KAZN: variants seen among roughly 807,000 people sequenced by gnomAD.
The protein encoded by KAZN is kazrin, periplakin interacting protein, also known as kazrin.
Under a neutral mutation model 87.4 loss-of-function variants are expected in KAZN, and 40 were observed. That is an observed-to-expected ratio of 0.46 (90% confidence interval 0.36 to 0.60). The LOEUF (loss-of-function observed/expected upper bound fraction) is 0.60. Among genes scored for constraint, KAZN ranks in the 20% least tolerant of loss-of-function variants. KAZN has a pLI of 0.00. For synonymous variants in KAZN, 466 were observed against 458.3 expected, an observed-to-expected ratio of 1.02 and a Z score of -0.22; for missense variants, 898 against 1,073.9, an observed-to-expected ratio of 0.84 and a Z score of 2.29.
At chr1:14,649,343 G>A (rs957783950) in intron 1 of KAZN, among the ~76,000 whole-genome samples, 6 of 139,200 alleles carry the variant, frequency 4.3e-5, no homozygotes, top group African/African-American at 1.6e-4. Flanking sequence ...TTTACTGATG[G>A]GGAATTAAGC....
At chr1:14,491,854 T>A (rs1250009364) in intron 2 of KAZN, among the ~76,000 whole-genome samples, 2 of 152,188 alleles carry the variant, frequency 1.3e-5, no homozygotes, top group Non-Finnish European at 2.9e-5. Flanking sequence ...CTGAAATAGA[T>A]CCTGCCACCC....
At chr1:14,798,217 C>T (rs537982513) in intron 1 of KAZN, among the ~76,000 whole-genome samples, 1 of 152,150 alleles carries the variant, frequency 6.6e-6, no homozygotes, top group African/African-American at 2.4e-5. Flanking sequence ...AGGAGTAAAA[C>T]CACGGTGCTA....
At chr1:14,219,743 C>T (rs765131365) in intron 2 of KAZN, among the ~76,000 whole-genome samples, 23 of 152,162 alleles carry the variant, frequency 1.5e-4, no homozygotes, top group Non-Finnish European at 3.2e-4. Context: ...TTAGCAAAAA[C>T]TTACCAGGGC....
intron 2 of KAZN, among the ~76,000 whole-genome samples, chr1:14,230,240 G>T (rs915008256): frequency 6.6e-6 from 1 of 152,200 alleles, no homozygotes; most frequent in Non-Finnish European, 1.5e-5. Context: ...ATCAGAGTTT[G>T]GTCTGAGTTA....
intron 8 of KAZN, among the ~76,000 whole-genome samples, chr1:15,068,552 TCTGCGCGTCCCA>T (rs988652427): frequency 2.6e-5 from 4 of 151,940 alleles, no homozygotes; most frequent in Admixed American, 2.6e-4. Context: ...TCCGTGGACC[TCTGCGCGTCCCA>T]CGATCCCACC....
intron 2 of KAZN, among the ~76,000 whole-genome samples, chr1:14,306,204 A>G (rs1654915918): frequency 6.6e-6 from 1 of 152,206 alleles, no homozygotes; most frequent in African/African-American, 2.4e-5. Flanking sequence ...CAGCTTGGGC[A>G]AAAGTGCTTT....
chr1:14,181,628 C>A (rs1379292083), intron 2 of KAZN, among the ~76,000 whole-genome samples: 1 of 152,102 alleles, frequency 6.6e-6, no homozygotes, highest in Non-Finnish European at 1.5e-5. Context: ...TATGCAAAGC[C>A]TTTCATTCCT....
At chr1:15,090,483 C>T (rs757443502) in intron 8 of KAZN, among the ~76,000 whole-genome samples, 4 of 152,320 alleles carry the variant, frequency 2.6e-5, no homozygotes, top group South Asian at 2.1e-4. Flanking sequence ...CCGTGGGAGC[C>T]GGGCACCAGC....
rs555194864 is a variant in KAZN, at chr1:14,642,261, G to A, written c.226+43038G>A. Among the ~76,000 whole-genome samples the A allele has an allele frequency of 1.2e-4, 19 of 152,258 alleles. No individual in the cohort carries two copies. The South Asian group carries it at 2.7e-3, about 22-fold the overall frequency. On this transcript the variant is annotated intron_variant, in intron 1 of 14. Coordinates refer to ENST00000376030, the MANE Select transcript of KAZN (RefSeq NM_201628.3). Reference sequence around the variant, plus strand: ...AAAAATACAAAAAAATTAGCCAGGCGTGGTGGCGCGTGCCTGTAGTCCCAC... The same window carrying A: ...AAAAATACAAAAAAATTAGCCAGGCATGGTGGCGCGTGCCTGTAGTCCCAC...
At chr1:14,678,350 G>T (rs1269518274) in intron 1 of KAZN, among the ~76,000 whole-genome samples, 1 of 152,192 alleles carries the variant, frequency 6.6e-6, no homozygotes, top group African/African-American at 2.4e-5. Context: ...CAAGTTCTTA[G>T]GTTTTTGGAC....
At chr1:15,090,806 G>A (rs571024782) in intron 8 of KAZN, among the ~76,000 whole-genome samples, 65 of 152,324 alleles carry the variant, frequency 4.3e-4, no homozygotes, top group Non-Finnish European at 4.4e-5. Flanking sequence ...GCCCACAGAG[G>A]AGGCAGGCAG....
At position 14,941,641 on chromosome 1, in the gene KAZN, C is replaced by T. The variant is rs374610218; in HGVS notation, c.227-19043C>T. Among the ~76,000 whole-genome samples, 16 of 152,200 alleles carry T rather than the reference C, an allele frequency of 1.1e-4. No individual in the cohort carries two copies. In the South Asian group the frequency reaches 2.7e-3, roughly 26 times the overall value. ...TGCAGGTGTACATGCAGAGAAGATG[C>T]GAATTTCGAAGATGTATAGCTTTCT... On this transcript the variant is annotated intron_variant, in intron 1 of 14. Transcript: ENST00000376030.
At chr1:14,377,137 G>A (rs1660976857) in intron 2 of KAZN, among the ~76,000 whole-genome samples, 1 of 152,186 alleles carries the variant, frequency 6.6e-6, no homozygotes, top group South Asian at 2.1e-4. Context: ...CTTTGTTGAA[G>A]TGCTTAAATG....
chr1:14,103,531 A>G (rs1021055941), intron 1 of KAZN, among the ~76,000 whole-genome samples: 1 of 152,196 alleles, frequency 6.6e-6, no homozygotes, highest in Non-Finnish European at 1.5e-5. Context: ...GCTCCTTTCC[A>G]TGGGCACTGG....
chr1:15,103,841 G>A (rs2100721360), intron 12 of KAZN, among the ~76,000 whole-genome samples, 182 bp from the exon 13 acceptor site: 1 of 152,268 alleles, frequency 6.6e-6, no homozygotes, highest in Non-Finnish European at 1.5e-5. Flanking sequence ...CTCAGTAACA[G>A]GAGGTCCCTG....
intron 1 of KAZN, among the ~76,000 whole-genome samples, chr1:13,921,788 C>T (rs1240130316): frequency 3.0e-4 from 46 of 152,036 alleles, no homozygotes; most frequent in Non-Finnish European, 2.9e-5. Flanking sequence ...CCCGCCACCA[C>T]ACCTGGCTAA....
intron 2 of KAZN, among the ~76,000 whole-genome samples, chr1:14,973,477 T>A (rs556560223): frequency 2.0e-5 from 3 of 152,316 alleles, no homozygotes; most frequent in African/African-American, 7.2e-5. Flanking sequence ...CCTGTACCCT[T>A]TCCCCACTGG....
At chr1:14,259,097 G>C (rs914687680) in intron 2 of KAZN, among the ~76,000 whole-genome samples, 1 of 151,984 alleles carries the variant, frequency 6.6e-6, no homozygotes, top group African/African-American at 2.4e-5. Context: ...TCAACTCGGA[G>C]TTGAAGTCAC....
chr1:14,328,276 T>C (rs777582646), intron 2 of KAZN, among the ~76,000 whole-genome samples: 1 of 152,198 alleles, frequency 6.6e-6, no homozygotes, highest in African/African-American at 2.4e-5. Context: ...TAAGAAGAGA[T>C]ATATTGCTTT....
Sources: allele counts gnomAD v4.1 joint callset (sites outside exome capture counted in the v4.1 genomes callset), GRCh38; gene constraint gnomAD v4.1.1; transcripts MANE v1.5; gene names NCBI Gene and HGNC (gene_info 2026-07-23, HGNC 2026-07-21).